UTRN: variants seen among roughly 807,000 people sequenced by gnomAD.
UTRN encodes utrophin.
Under a neutral mutation model 463.9 loss-of-function variants are expected in UTRN, and 283 were observed. The observed-to-expected ratio is 0.61, with a 90% confidence interval of 0.55 to 0.67. The LOEUF (loss-of-function observed/expected upper bound fraction) is 0.67, where lower values mean the gene tolerates loss of function less well. Ranked by LOEUF, UTRN falls within the 30% of genes least tolerant of loss-of-function variation. The pLI is 0.00. For missense variants in UTRN, 3,922 were observed against 4,084.3 expected (o/e 0.96, Z 1.08); for synonymous variants, 1,442 against 1,431.5 (o/e 1.01, Z -0.17).
rs559548919 is a variant in UTRN at position 144,840,774 on chromosome 6, C to G, written c.10212C>G (p.Thr3404=). 39 of 1,614,076 alleles carry G rather than the reference C, an allele frequency of 2.4e-5. 2 individuals are homozygous for G. The South Asian group carries it at 4.0e-4, about 16-fold the overall frequency. Reference sequence around the variant, plus strand: ...ACCTGCTGGCCCCACCGCACGACACCAGCACGGATCTCACGGAGGTCATGG... The same window carrying G: ...ACCTGCTGGCCCCACCGCACGACACGAGCACGGATCTCACGGAGGTCATGG... ...GEDLLAPPHD[T]STDLTEVMEQ... The change falls in exon 73 of 75, where the codon ACC becomes ACG. Residue 3404 remains threonine, a synonymous_variant. Coordinates refer to ENST00000367545, the MANE Select transcript of UTRN (RefSeq NM_007124.3).
At chr6:144,648,438 C>A (rs575278425) in intron 51 of UTRN, among the ~76,000 whole-genome samples, 18 of 152,126 alleles carry the variant, frequency 1.2e-4, no homozygotes, top group African/African-American at 3.4e-4. Context: ...ACTTTTAATC[C>A]CTTTGTAGTA....
At position 144,451,768 on chromosome 6, in the gene UTRN, T is replaced by C. The variant is rs530864084; in HGVS notation, c.2196+275T>C. 4.6e-5 allele frequency among the ~76,000 whole-genome samples: 7 copies of C among 152,322 alleles called. No homozygotes were observed. The East Asian group carries it at 1.3e-3, about 29-fold the overall frequency. On this transcript the variant is annotated intron_variant, in intron 18 of 74. Transcript: ENST00000367545. ...ATGGTGATCCAGTTAGTGGTACTAC[T>C]TTTTAGTTAGTTTAGATCACCCTTA...
intron 2 of UTRN, among the ~76,000 whole-genome samples, chr6:144,332,703 C>A (rs899406948): frequency 3.3e-5 from 5 of 151,762 alleles, no homozygotes; most frequent in South Asian, 2.1e-4. Context: ...TAAGTCAAAC[C>A]GTTTTTAATA....
intron 53 of UTRN, among the ~76,000 whole-genome samples, chr6:144,710,280 A>T (rs2128703231): frequency 6.6e-6 from 1 of 152,360 alleles, no homozygotes; most frequent in East Asian, 1.9e-4. Flanking sequence ...GGGCTCCAAA[A>T]CATGACAATC....
At chr6:144,299,782 T>C (rs2473142) in intron 2 of UTRN, among the ~76,000 whole-genome samples, 22,833 of 152,102 alleles carry the variant, frequency 0.15, 2,311 homozygotes, top group African/African-American at 0.28. Flanking sequence ...TTTTGAATCA[T>C]GGTGGGAAAA....
At chr6:144,596,971 G>C (rs183326395) in intron 51 of UTRN, among the ~76,000 whole-genome samples, 1 of 152,140 alleles carries the variant, frequency 6.6e-6, no homozygotes, top group Non-Finnish European at 1.5e-5. Flanking sequence ...AGGCACAGTG[G>C]CTCACACCTG....
At chr6:144,402,674 T>C (rs1783030137) in intron 2 of UTRN, among the ~76,000 whole-genome samples, 1 of 152,126 alleles carries the variant, frequency 6.6e-6, no homozygotes, top group Admixed American at 6.6e-5. Flanking sequence ...GTAGGACCAG[T>C]ATGAAGAGGG....
intron 34 of UTRN, among the ~76,000 whole-genome samples, chr6:144,502,302 C>T (rs554084351): frequency 4.6e-5 from 7 of 151,398 alleles, no homozygotes; most frequent in South Asian, 2.1e-4. Flanking sequence ...GATACATGTG[C>T]GGAACGTGCA....
At chr6:144,768,549 T>G (rs1324384837) in intron 58 of UTRN, among the ~76,000 whole-genome samples, 1 of 152,124 alleles carries the variant, frequency 6.6e-6, no homozygotes, top group Non-Finnish European at 1.5e-5. Flanking sequence ...CAGTAAGAAG[T>G]TATAATAGGT....
intron 26 of UTRN, among the ~76,000 whole-genome samples, chr6:144,481,939 A>G (rs945621982): frequency 2.0e-5 from 3 of 152,168 alleles, no homozygotes; most frequent in Non-Finnish European, 4.4e-5. Flanking sequence ...GGTGCCTGTA[A>G]TCACAGCTTC....
chr6:144,401,868 C>G (rs1182710020), intron 2 of UTRN, among the ~76,000 whole-genome samples: 1 of 152,140 alleles, frequency 6.6e-6, no homozygotes, highest in Non-Finnish European at 1.5e-5. Flanking sequence ...CCAAGCACAC[C>G]TGGGCTTCCT....
chr6:144,333,373 T>A (rs1392154193), intron 2 of UTRN: 2 of 152,182 alleles, frequency 1.3e-5, no homozygotes, highest in Admixed American at 1.3e-4. Context: ...TTCATTTCTA[T>A]ACCGTCTTAT....
chr6:144,480,189 A>G (rs975661956), intron 26 of UTRN, among the ~76,000 whole-genome samples: 1 of 152,362 alleles, frequency 6.6e-6, no homozygotes, highest in African/African-American at 2.4e-5. Context: ...GGCTTGGCCC[A>G]TGAGTTGAGT....
At chr6:144,537,858 C>G (rs1413769595) in intron 44 of UTRN, 141 bp downstream of exon 44, 3 of 1,241,710 alleles carry the variant, frequency 2.4e-6, no homozygotes, top group South Asian at 1.5e-5. Flanking sequence ...AGAGGAATAT[C>G]TTTTATTTTT....
intron 52 of UTRN, among the ~76,000 whole-genome samples, chr6:144,686,941 C>A (rs1782824021): frequency 6.6e-6 from 1 of 152,034 alleles, no homozygotes; most frequent in Non-Finnish European, 1.5e-5. Flanking sequence ...CACCTAGACA[C>A]TTTGTTTTCT....
At chr6:144,631,429 G>A (rs375583934) in intron 51 of UTRN, among the ~76,000 whole-genome samples, 1 of 152,294 alleles carries the variant, frequency 6.6e-6, no homozygotes, top group African/African-American at 2.4e-5. Flanking sequence ...AGTTTGGAAA[G>A]AAGTTTTAGT....
chr6:144,489,777 G>A (rs1050886302), intron 30 of UTRN, among the ~76,000 whole-genome samples: 31 of 151,694 alleles, frequency 2.0e-4, no homozygotes, highest in Non-Finnish European at 8.8e-5. Context: ...GCCCGCCACC[G>A]TGCCCAGCTA....
intron 13 of UTRN, among the ~76,000 whole-genome samples, chr6:144,441,244 G>C (rs1584797596): frequency 1.3e-5 from 2 of 152,180 alleles, no homozygotes. Flanking sequence ...TCTGAGACAA[G>C]GCAAGTCCCT....
chr6:144,507,708 T>A (rs1475281931), intron 34 of UTRN, among the ~76,000 whole-genome samples: 1 of 152,180 alleles, frequency 6.6e-6, no homozygotes, highest in East Asian at 1.9e-4. Flanking sequence ...TGACCCCTGC[T>A]GGGAGGTGTC....
Sources: gnomAD v4.1 joint callset for allele counts (sites outside exome capture counted in the v4.1 genomes callset) on GRCh38, gnomAD v4.1.1 for gene constraint, MANE v1.5 for transcripts, NCBI Gene and HGNC (gene_info 2026-07-23, HGNC 2026-07-21) for gene names.